LST1: variants seen among roughly 807,000 people sequenced by gnomAD.
The protein encoded by LST1 is leukocyte specific transcript 1, also known as leukocyte-specific transcript 1 protein.
In LST1, 9 loss-of-function variants were observed where a neutral mutation model predicts 8.5. The ratio of observed to expected loss-of-function variants is 1.06; its 90% CI spans 0.64 to 1.85. The LOEUF is 1.85. Among genes scored for constraint, LST1 ranks in the 40% most tolerant of loss-of-function variants. The probability of loss-of-function intolerance (pLI) is 0.00; values close to 1 mark genes in which losing one functional copy is unlikely to be tolerated. For synonymous variants in LST1, 53 were observed against 50.4 expected (o/e 1.05, Z -0.21); for missense variants, 121 against 117.1 (o/e 1.03, Z -0.16).
Position 31,588,442 on chromosome 6 carries a change from T to C in LST1, c.136-76T>C, listed in dbSNP as rs1184967369. The C allele has an allele frequency of 6.2e-6, 9 of 1,451,912 alleles. No homozygotes were observed. In the Admixed American group the frequency reaches 1.0e-4, roughly 17 times the overall value. The allele number at this position is 1,451,912 out of a possible 1,614,324, so 89.9% of individuals were successfully genotyped here. The stretch of plus-strand genomic sequence containing the variant: ...AGAGAGGGAGAGAAGTAAGAAAGGC[T>C]GGAGGTGGGAGCAGAACTCACAGGG... On this transcript the variant is annotated intron_variant, in intron 4 of 4. Coordinates refer to ENST00000438075, the MANE Select transcript of LST1 (RefSeq NM_205839.3).
chr6:31,588,416 G>A, intron 4 of LST1, 102 bp from the exon 5 acceptor site: 1 of 1,249,246 alleles, frequency 8.0e-7, no homozygotes, highest in Non-Finnish European at 1.1e-6. Flanking sequence ...GAGAGAGAGA[G>A]AGAGAGGGAG....
At chr6:31,587,918 G>T in intron 3 of LST1, 26 bp from the exon 4 acceptor site, 1 of 1,607,942 alleles carries the variant, frequency 6.2e-7, no homozygotes, top group Non-Finnish European at 8.5e-7. Context: ...AGGGTGGGCT[G>T]TGTTGAGCTT....
chr6:31,587,291 C>G lies in LST1; in HGVS notation c.-9C>G. Reference sequence around the variant, plus strand: ...CTGACCTCCAGGCCAGTCCCTGATCCCTGACCTAATGTTATCGCGGAATGA... The same window carrying G: ...CTGACCTCCAGGCCAGTCCCTGATCGCTGACCTAATGTTATCGCGGAATGA... On this transcript the variant is annotated 5_prime_UTR_variant, in exon 2 of 5. Transcript: ENST00000438075. The G allele has an allele frequency of 1.9e-6, 3 of 1,607,284 alleles. No individual in the cohort carries two copies. Among genetic ancestry groups the G allele is most frequent in the Non-Finnish European group, 2.6e-6 (3 of 1,173,810 alleles).
chr6:31,587,874 G>A (rs878941079), intron 3 of LST1, 70 bp from the exon 4 acceptor site: 2 of 1,570,772 alleles, frequency 1.3e-6, no homozygotes, highest in Non-Finnish European at 1.7e-6. Context: ...GCCTGCTGGT[G>A]GGGGGAGCCC....
In LST1 at chr6:31,588,558, T is replaced by G; in HGVS notation, c.176T>G (p.Leu59Arg). The G allele has an allele frequency of 1.2e-6, 2 of 1,612,236 alleles. No homozygotes were observed. The highest frequency in any genetic ancestry group is 1.7e-6 in the Non-Finnish European group (2 of 1,179,612). ...GAGCAGGAACTCCACTATGCATCTC[T>G]GCAGAGGCTGCCAGTGCCCAGCAGT... ...SSEQELHYASLQRLPVPSSEG... is the reference protein window; with the variant it reads ...SSEQELHYASRQRLPVPSSEG... Residue 59 changes from leucine to arginine, a missense_variant, in exon 5 of 5, where the codon CTG becomes CGG. Coordinates refer to ENST00000438075, the MANE Select transcript of LST1 (RefSeq NM_205839.3).
At position 31,588,836 on chromosome 6, in the gene LST1, A is replaced by G; in HGVS notation, c.*160A>G. ...TCATCAAAACTTATGTGGCTTTTTG[A>G]CCTTTGAATAGGGAATTTTTTAAAT... On this transcript the variant is annotated 3_prime_UTR_variant, in exon 5 of 5. Transcript: ENST00000438075. 2.2e-6 allele frequency: 2 copies of G among 923,512 alleles called. No homozygotes were observed. The highest frequency in any genetic ancestry group is 3.3e-6 in the Non-Finnish European group (2 of 606,034). The allele number at this position is 923,512 out of a possible 1,614,324, so 57.2% of individuals were successfully genotyped here. A position where few individuals can be genotyped will look rare whatever the true frequency, so the allele number is the denominator to read the frequency against.
At chr6:31,587,512 C>G (rs983304147) in intron 2 of LST1, 129 bp from the exon 3 acceptor site, 3 of 803,780 alleles carry the variant, frequency 3.7e-6, no homozygotes, top group Non-Finnish European at 6.1e-6. Context: ...GATGGAGAAG[C>G]TCTGAGGGTA....
At chr6:31,588,349 A>T in intron 4 of LST1, 169 bp from the exon 5 acceptor site, 1 of 719,162 alleles carries the variant, frequency 1.4e-6, no homozygotes, top group Non-Finnish European at 2.3e-6. Context: ...TGGACAACAT[A>T]GTGGGACTCT....
rs188866526 is a variant in LST1, at chr6:31,587,052, C to T, written c.-100-148C>T. Reference sequence around the variant, plus strand: ...CCTAGTAAAGTCCAGGCTTGAATCTCGGGTCTTTACTTGGGCAACGGGCAC... The same window carrying T: ...CCTAGTAAAGTCCAGGCTTGAATCTTGGGTCTTTACTTGGGCAACGGGCAC... On this transcript the variant is annotated intron_variant, in intron 1 of 4. Coordinates refer to ENST00000438075, the MANE Select transcript of LST1 (RefSeq NM_205839.3). 644 of 589,302 alleles carry T rather than the reference C, an allele frequency of 1.1e-3. 2 individuals carry two copies. The highest frequency in any genetic ancestry group is 5.0e-3 in the African/African-American group (267 of 53,710). The allele number at this position is 589,302 out of a possible 1,614,324, so 36.5% of individuals were successfully genotyped here. A position where few individuals can be genotyped will look rare whatever the true frequency, so the allele number is the denominator to read the frequency against.
chr6:31,587,879 G>T (rs1380382813), intron 3 of LST1, 65 bp from the exon 4 acceptor site: 2 of 1,563,720 alleles, frequency 1.3e-6, no homozygotes, highest in Admixed American at 1.8e-5. Context: ...CTGGTGGGGG[G>T]AGCCCGGGAG....
intron 4 of LST1, 38 bp from the exon 5 acceptor site, chr6:31,588,480 G>C: frequency 6.4e-7 from 1 of 1,559,710 alleles, no homozygotes; most frequent in Non-Finnish European, 8.7e-7. Context: ...GGATCTGACG[G>C]CATCGCCTCC....
chr6:31,587,387 G>A, intron 2 of LST1, 69 bp downstream of exon 2: 1 of 1,557,914 alleles, frequency 6.4e-7, no homozygotes, highest in Non-Finnish European at 8.9e-7. Flanking sequence ...GGGGAACAGT[G>A]ATGTATGCAG....
rs1424546068 is a variant in LST1, at chr6:31,588,720, C to CA, written c.*44_*45insA. The CA allele has an allele frequency of 2.5e-6, 4 of 1,603,404 alleles. No individual in the cohort carries two copies. Among genetic ancestry groups the CA allele is most frequent in the Non-Finnish European group, 3.4e-6 (4 of 1,171,224 alleles). On this transcript the variant is annotated 3_prime_UTR_variant, in exon 5 of 5. Transcript: ENST00000438075. The stretch of plus-strand genomic sequence containing the variant: ...TCAACCCAGGCGGGTGGACAGGGTC[C>CA]CCCTGTGGTCCAGCCAGTAAAAACC...
intron 4 of LST1, chr6:31,588,174 G>C: frequency 1.7e-6 from 1 of 580,640 alleles, no homozygotes; most frequent in Non-Finnish European, 3.0e-6. Flanking sequence ...GAGGATAGGA[G>C]AGACAGGGAG....
Position 31,587,323 on chromosome 6 carries a change from G to T in LST1, c.19+5G>T, listed in dbSNP as rs1261710489. On this transcript the variant is annotated splice_donor_5th_base_variant and intron_variant, in intron 2 of 4. Coordinates refer to ENST00000438075, the MANE Select transcript of LST1 (RefSeq NM_205839.3). The stretch of plus-strand genomic sequence containing the variant: ...TAATGTTATCGCGGAATGATGGTAA[G>T]TAAAGTGTCTCTTGCATCTGCATAG... The T allele has an allele frequency of 6.2e-7, 1 of 1,613,448 alleles. No homozygotes were observed. Among genetic ancestry groups the T allele is most frequent in the Non-Finnish European group, 8.5e-7 (1 of 1,179,390 alleles).
chr6:31,588,395 A>G (rs912184030), intron 4 of LST1, 123 bp from the exon 5 acceptor site: 93 of 921,396 alleles, frequency 1.0e-4, no homozygotes, highest in Admixed American at 2.8e-4. Context: ...AGAGAGAGAG[A>G]GAGAGAGGGA....
rs553404205 is a variant in LST1 at position 31,588,485 on chromosome 6, G to A, written c.136-33G>A. On this transcript the variant is annotated intron_variant, in intron 4 of 4. Coordinates refer to ENST00000438075, the MANE Select transcript of LST1 (RefSeq NM_205839.3). ...TCACAGGGAAGGATCTGACGGCATC[G>A]CCTCCCATCAGCACCTTCTGTCCTG... 2.9e-4 allele frequency: 460 copies of A among 1,564,912 alleles called. 1 individual carries two copies. In the African/African-American group the frequency reaches 3.5e-3, roughly 12 times the overall value.
Position 31,587,474 on chromosome 6 carries a change from T to A in LST1, c.19+156T>A, listed in dbSNP as rs1403493520. 16 of 923,612 alleles carry A rather than the reference T, an allele frequency of 1.7e-5. No individual in the cohort carries two copies. In the East Asian group the frequency reaches 3.9e-4, roughly 22 times the overall value. 57.2% of individuals were successfully genotyped at this position (923,612 alleles called of 1,614,324 possible). ...GGACCTCACGGGAGGCCCAGAAACCTGGTAAGAGGTGAGGTATTAAGGTCT... is the reference window on the plus strand; with the variant it reads ...GGACCTCACGGGAGGCCCAGAAACCAGGTAAGAGGTGAGGTATTAAGGTCT... On this transcript the variant is annotated intron_variant, in intron 2 of 4. Transcript: ENST00000438075.
chr6:31,587,783 C>T (rs1268421113), intron 3 of LST1, 50 bp downstream of exon 3: 1 of 1,501,522 alleles, frequency 6.7e-7, no homozygotes, highest in Admixed American at 2.0e-5. Flanking sequence ...CCCTGTGCCC[C>T]CACCCCCACA....
Sources: allele counts gnomAD v4.1 joint callset, GRCh38; gene constraint gnomAD v4.1.1; transcripts MANE v1.5; gene names NCBI Gene and HGNC (gene_info 2026-07-23, HGNC 2026-07-21).